VIPR2: variants seen among roughly 807,000 people sequenced by gnomAD.
VIPR2 encodes the protein vasoactive intestinal peptide receptor 2.
Under a neutral mutation model 58.0 loss-of-function variants are expected in VIPR2, and 48 were observed. The ratio of observed to expected loss-of-function variants is 0.83; its 90% CI spans 0.66 to 1.05. The LOEUF (loss-of-function observed/expected upper bound fraction) is 1.05, where lower values mean the gene tolerates loss of function less well. VIPR2 is among the 50% of genes least tolerant of loss of function. The pLI is 0.00. For missense variants in VIPR2, 534 were observed against 558.0 expected (o/e 0.96, Z 0.43); for synonymous variants, 243 against 235.2 (o/e 1.03, Z -0.30).
intron 2 of VIPR2, among the ~76,000 whole-genome samples, chr7:159,121,970 G>C (rs1796469683): frequency 6.6e-6 from 1 of 152,192 alleles, no homozygotes; most frequent in Non-Finnish European, 1.5e-5. Flanking sequence ...TGATTGGTAC[G>C]AATCATTGAC....
In VIPR2 at chr7:159,031,295, A is replaced by C. The variant is rs1179858675; in HGVS notation, c.1144-506T>G. Among the ~76,000 whole-genome samples the C allele has an allele frequency of 6.6e-6, 1 of 152,080 alleles. No individual in the cohort carries two copies. Among genetic ancestry groups the C allele is most frequent in the Non-Finnish European group, 1.5e-5 (1 of 67,998 alleles). ...GGTGAAAGCTGCATGTCAAGCAAAG[A>C]AAGCGCCAGCAACCGCAGCGTGGGG... is the stretch of plus-strand genomic sequence containing the variant. On this transcript the variant is annotated intron_variant, in intron 12 of 12. Coordinates refer to ENST00000262178, the MANE Select transcript of VIPR2 (RefSeq NM_003382.5). This position sits in a 1 kb window ranked among gnomAD's most constrained non-coding sequence, Gnocchi z 4.0.
In VIPR2 at chr7:159,144,666, G is replaced by C. The variant is rs1443627641; in HGVS notation, c.51+55C>G. The C allele has an allele frequency of 2.2e-6, 3 of 1,367,980 alleles. No individual in the cohort carries two copies. The South Asian group carries it at 5.3e-5, about 24-fold the overall frequency. 84.7% of individuals were successfully genotyped at this position (1,367,980 alleles called of 1,614,324 possible). A position where few individuals can be genotyped will look rare whatever the true frequency, so the allele number is the denominator to read the frequency against. On this transcript the variant is annotated intron_variant, in intron 1 of 12. Coordinates refer to ENST00000262178, the MANE Select transcript of VIPR2 (RefSeq NM_003382.5). ...ACCGGCGGGAGGAGCGCTCTTCTCG[G>C]AAGGGGAGAACCGGGTCCGAGGCGC...
At chr7:159,041,013 G>T (rs1319083239) in intron 6 of VIPR2, among the ~76,000 whole-genome samples, 1 of 152,216 alleles carries the variant, frequency 6.6e-6, no homozygotes, top group Non-Finnish European at 1.5e-5. Context: ...CTTGACTTGG[G>T]GCACTGGCTC....
At position 159,096,704 on chromosome 7, in the gene VIPR2, C is replaced by A; in HGVS notation, c.357+7053G>T. The A allele has an allele frequency of 7.6e-7, 1 of 1,312,352 alleles. No individual in the cohort carries two copies. Among genetic ancestry groups the A allele is most frequent in the African/African-American group, 1.5e-5 (1 of 67,796 alleles). 81.3% of individuals were successfully genotyped at this position (1,312,352 alleles called of 1,614,324 possible). ...GTTAAAACTAAACAGCAGAAAAGTG[C>A]TCATAATCCTGTCTGGTTGTGCCAG... is the stretch of plus-strand genomic sequence containing the variant. On this transcript the variant is annotated intron_variant, in intron 4 of 12. Coordinates refer to ENST00000262178, the MANE Select transcript of VIPR2 (RefSeq NM_003382.5). The surrounding 1 kb of genome is among the most constrained non-coding windows in gnomAD (Gnocchi z 5.5).
At position 159,029,998 on chromosome 7, in the gene VIPR2, G is replaced by A. The variant is rs115794009; in HGVS notation, c.*618C>T. The A allele has an allele frequency of 0.028, 4,251 of 152,292 alleles. 155 individuals carry two copies. Among genetic ancestry groups the A allele is most frequent in the East Asian group, 0.15 (774 of 5,148 alleles). The allele number at this position is 152,292 out of a possible 1,614,324, so 9.4% of individuals were successfully genotyped here. ...GTGGGACGGATGTCACCCGGTGGTC[G>A]CCCAGGCTCGTGCTGGGCCACACAA... On this transcript the variant is annotated 3_prime_UTR_variant, in exon 13 of 13. Transcript: ENST00000262178.
chr7:159,038,210 G>A (rs1854095407), intron 6 of VIPR2, among the ~76,000 whole-genome samples: 1 of 151,940 alleles, frequency 6.6e-6, no homozygotes, highest in Non-Finnish European at 1.5e-5. Context: ...AGGCTGCCCC[G>A]ACCTCCCCTG....
chr7:159,057,347 T>C (rs1855383714), intron 5 of VIPR2, among the ~76,000 whole-genome samples: 1 of 152,180 alleles, frequency 6.6e-6, no homozygotes, highest in Non-Finnish European at 1.5e-5. Flanking sequence ...ATGATAGGCC[T>C]TCCTCACTTT....
At chr7:159,103,157 G>A (rs1434268477) in intron 4 of VIPR2, among the ~76,000 whole-genome samples, 2 of 152,316 alleles carry the variant, frequency 1.3e-5, no homozygotes, top group East Asian at 3.9e-4. Context: ...CTGCAGAAGG[G>A]TTCACAGTGG....
chr7:159,092,691 C>T (rs1481297623), intron 4 of VIPR2, among the ~76,000 whole-genome samples: 1 of 147,028 alleles, frequency 6.8e-6, no homozygotes, highest in Non-Finnish European at 1.5e-5. Context: ...CGCTGTGTTG[C>T]CCAGGCTGGA....
rs1026768812 is a variant in VIPR2, at chr7:159,031,614, G to A, written c.1143+214C>T. On this transcript the variant is annotated intron_variant, in intron 12 of 12. Transcript: ENST00000262178. The surrounding 1 kb of genome is among the most constrained non-coding windows in gnomAD (Gnocchi z 4.0). ...GCAGTCGATGCTACTTAGGGTGGACGGAAGGACGGCGGGGTTTGGAAGCTG... is the reference window on the plus strand; with the variant it reads ...GCAGTCGATGCTACTTAGGGTGGACAGAAGGACGGCGGGGTTTGGAAGCTG... 5 of 985,420 alleles carry A rather than the reference G, an allele frequency of 5.1e-6. No homozygotes were observed. The highest frequency in any genetic ancestry group is 6.1e-5 in the Admixed American group (1 of 16,284). 61.0% of individuals were successfully genotyped at this position (985,420 alleles called of 1,614,324 possible). A position where few individuals can be genotyped will look rare whatever the true frequency, so the allele number is the denominator to read the frequency against.
rs1481111043 is a variant in VIPR2, at chr7:159,029,648, C to G, written c.*968G>C. On this transcript the variant is annotated 3_prime_UTR_variant, in exon 13 of 13. Transcript: ENST00000262178. ...GGCTGAGCGTCAGGCTCTGCGGCTC[C>G]CACAGGGCGGCAGGTGACCTCCTGA... 6.6e-6 allele frequency: 1 copy of G among 152,274 alleles called. No individual in the cohort carries two copies. 9.4% of individuals were successfully genotyped at this position (152,274 alleles called of 1,614,324 possible).
chr7:159,053,199 G>A (rs1855107590), intron 5 of VIPR2, among the ~76,000 whole-genome samples: 1 of 151,724 alleles, frequency 6.6e-6, no homozygotes, highest in Non-Finnish European at 1.5e-5. Flanking sequence ...CAATCCTCCT[G>A]CCTTGACCCA....
chr7:159,030,895 C>G, intron 12 of VIPR2, 106 bp from the exon 13 acceptor site: 1 of 1,350,146 alleles, frequency 7.4e-7, no homozygotes, highest in Non-Finnish European at 9.7e-7. Flanking sequence ...CGCCTGCTCC[C>G]GTATCTGTGT....
At chr7:159,038,217 C>T (rs927756862) in intron 6 of VIPR2, among the ~76,000 whole-genome samples, 1 of 152,048 alleles carries the variant, frequency 6.6e-6, no homozygotes, top group African/African-American at 2.4e-5. Context: ...CCCGACCTCC[C>T]CTGAGCCCTG....
chr7:159,044,673 G>C (rs950808510), intron 5 of VIPR2, among the ~76,000 whole-genome samples: 1 of 150,934 alleles, frequency 6.6e-6, no homozygotes, highest in African/African-American at 2.4e-5. Context: ...AGACAATATT[G>C]ATAAAAGAGA....
chr7:159,037,054 G>A, intron 6 of VIPR2, 152 bp from the exon 7 acceptor site: 1 of 997,538 alleles, frequency 1.0e-6, no homozygotes, highest in South Asian at 1.8e-5. Flanking sequence ...TTAACACAGA[G>A]GCCAGGGCGC....
intron 2 of VIPR2, among the ~76,000 whole-genome samples, chr7:159,119,285 TCA>T (rs1260766069): frequency 1.3e-5 from 2 of 152,160 alleles, no homozygotes; most frequent in African/African-American, 4.8e-5. Flanking sequence ...ACCCTAGGCC[TCA>T]GTTTGCTCCT....
intron 2 of VIPR2, among the ~76,000 whole-genome samples, chr7:159,122,956 T>C (rs1171905591): frequency 6.6e-6 from 1 of 152,080 alleles, no homozygotes; most frequent in Non-Finnish European, 1.5e-5. Flanking sequence ...TTAAACCCAG[T>C]ATTCAGTAGT....
At chr7:159,110,045 T>A in intron 2 of VIPR2, 126 bp from the exon 3 acceptor site, 1 of 808,012 alleles carries the variant, frequency 1.2e-6, no homozygotes, top group Non-Finnish European at 2.0e-6. Context: ...CCAACACAAT[T>A]ATTGAGACTA....
Sources: allele counts gnomAD v4.1 joint callset (sites outside exome capture counted in the v4.1 genomes callset), GRCh38; gene constraint gnomAD v4.1.1; non-coding constraint Gnocchi (gnomAD v3.1); transcripts MANE v1.5; gene names NCBI Gene and HGNC (gene_info 2026-07-23, HGNC 2026-07-21).